ULK4: variants seen among roughly 807,000 people sequenced by gnomAD.
ULK4 encodes unc-51 like kinase 4.
Under a neutral mutation model 160.6 loss-of-function variants are expected in ULK4, and 133 were observed. The ratio of observed to expected loss-of-function variants is 0.83; its 90% CI spans 0.72 to 0.96. The LOEUF (loss-of-function observed/expected upper bound fraction) is 0.96. ULK4 is among the 40% of genes least tolerant of loss of function. The pLI, the probability that ULK4 is intolerant of heterozygous loss-of-function variation, is 0.00. For synonymous variants in ULK4, 534 were observed against 539.8 expected (o/e 0.99, Z 0.15); for missense variants, 1,580 against 1,499.5 (o/e 1.05, Z -0.89).
intron 35 of ULK4, among the ~76,000 whole-genome samples, chr3:41,373,822 C>A (rs893288724): frequency 6.6e-5 from 10 of 152,000 alleles, no homozygotes; most frequent in African/African-American, 1.9e-4. Flanking sequence ...CATGAAAAAC[C>A]CTTCAAAAAA....
chr3:41,872,624 T>A (rs1161100375), intron 17 of ULK4, among the ~76,000 whole-genome samples: 1 of 149,870 alleles, frequency 6.7e-6, no homozygotes, highest in Non-Finnish European at 1.5e-5. Context: ...TACCTACTTT[T>A]GTTTTTATAT....
In ULK4 at chr3:41,938,479, C is replaced by G. The variant is rs139567240; in HGVS notation, c.139-282G>C. Among the ~76,000 whole-genome samples, 77 of 152,242 alleles carry G rather than the reference C, an allele frequency of 5.1e-4. No individual in the cohort carries two copies. The East Asian group carries it at 0.014, about 29-fold the overall frequency. On this transcript the variant is annotated intron_variant, in intron 2 of 36. Coordinates refer to ENST00000301831, the MANE Select transcript of ULK4 (RefSeq NM_017886.4). Reference sequence around the variant, plus strand: ...GTTGGATCACTTGAGGTCAGGAGTACAAGAGCAGCCTGACCAACGCGGTGA... The same window carrying G: ...GTTGGATCACTTGAGGTCAGGAGTAGAAGAGCAGCCTGACCAACGCGGTGA...
intron 5 of ULK4, among the ~76,000 whole-genome samples, chr3:41,929,745 C>G (rs976470757): frequency 1.3e-5 from 2 of 152,014 alleles, no homozygotes; most frequent in African/African-American, 4.8e-5. Context: ...ACAACTGCTA[C>G]AAAGAGAATA....
chr3:41,920,205 T>A (rs938105744), intron 5 of ULK4, among the ~76,000 whole-genome samples: 3 of 152,178 alleles, frequency 2.0e-5, no homozygotes, highest in African/African-American at 7.2e-5. Context: ...ATCCTCATAG[T>A]CACTCAAAGA....
At chr3:41,890,054 A>C (rs1324644004) in intron 16 of ULK4, among the ~76,000 whole-genome samples, 1 of 152,264 alleles carries the variant, frequency 6.6e-6, no homozygotes, top group Non-Finnish European at 1.5e-5. Context: ...AAAATAGGCA[A>C]ATCAGCCAAC....
chr3:41,621,802 A>C (rs1455265439), intron 30 of ULK4, among the ~76,000 whole-genome samples: 1 of 152,226 alleles, frequency 6.6e-6, no homozygotes, highest in Non-Finnish European at 1.5e-5. Context: ...AAAGCAAAAG[A>C]AACTACCATC....
intron 21 of ULK4, among the ~76,000 whole-genome samples, chr3:41,768,615 C>T (rs997563578): frequency 6.6e-6 from 1 of 152,154 alleles, no homozygotes; most frequent in Non-Finnish European, 1.5e-5. Context: ...ACCAACTTGC[C>T]AGTCATATGA....
intron 32 of ULK4, among the ~76,000 whole-genome samples, chr3:41,546,849 T>C (rs2643970): frequency 0.51 from 76,882 of 150,698 alleles, 19,719 homozygotes; most frequent in Middle Eastern, 0.57. Context: ...GACCACAGCC[T>C]TATTCTGTCT....
At chr3:41,790,155 C>T (rs949605532) in intron 20 of ULK4, among the ~76,000 whole-genome samples, 21 of 152,256 alleles carry the variant, frequency 1.4e-4, no homozygotes, top group Non-Finnish European at 2.5e-4. Flanking sequence ...CACCTGCAGA[C>T]AATGAACTAA....
chr3:41,472,119 A>C (rs189937642), intron 32 of ULK4, among the ~76,000 whole-genome samples: 1 of 152,196 alleles, frequency 6.6e-6, no homozygotes, highest in African/African-American at 2.4e-5. Flanking sequence ...TGACTCAAAT[A>C]AATAAAATCA....
intron 20 of ULK4, among the ~76,000 whole-genome samples, chr3:41,798,852 G>C (rs2125602573): frequency 6.6e-6 from 1 of 152,218 alleles, no homozygotes; most frequent in Non-Finnish European, 1.5e-5. Flanking sequence ...ATAACCATTT[G>C]AATTAGGTTC....
intron 31 of ULK4, among the ~76,000 whole-genome samples, chr3:41,597,220 T>G (rs1438437549): frequency 6.6e-6 from 1 of 152,290 alleles, no homozygotes; most frequent in African/African-American, 2.4e-5. Flanking sequence ...GTGTCAACCA[T>G]AGACCATCCA....
At chr3:41,840,614 G>A (rs886818643) in intron 17 of ULK4, among the ~76,000 whole-genome samples, 3 of 152,344 alleles carry the variant, frequency 2.0e-5, no homozygotes, top group African/African-American at 7.2e-5. Flanking sequence ...GACCTCGAGT[G>A]GTCTGCCCAC....
intron 21 of ULK4, among the ~76,000 whole-genome samples, chr3:41,761,315 T>C (rs1479163435): frequency 7.9e-6 from 1 of 127,050 alleles, no homozygotes; most frequent in Non-Finnish European, 1.5e-5. Flanking sequence ...AAATACATTA[T>C]ATACTATGTT....
At chr3:41,465,420 T>C (rs1209193629) in intron 32 of ULK4, among the ~76,000 whole-genome samples, 2 of 152,198 alleles carry the variant, frequency 1.3e-5, no homozygotes, top group African/African-American at 2.4e-5. Context: ...TACAATACCA[T>C]TGCCACTTTT....
intron 18 of ULK4, among the ~76,000 whole-genome samples, chr3:41,831,451 T>C (rs2125647414): frequency 6.7e-6 from 1 of 148,494 alleles, no homozygotes; most frequent in African/African-American, 2.5e-5. Flanking sequence ...TATCATCACT[T>C]ACCAAAGTAT....
At chr3:41,580,121 GC>G (rs1470487667) in intron 31 of ULK4, among the ~76,000 whole-genome samples, 1 of 152,088 alleles carries the variant, frequency 6.6e-6, no homozygotes, top group Non-Finnish European at 1.5e-5. Flanking sequence ...GACTAGATGT[GC>G]CATCCCCTCA....
chr3:41,913,433 T>C (rs1181941661), intron 8 of ULK4, among the ~76,000 whole-genome samples: 1 of 152,042 alleles, frequency 6.6e-6, no homozygotes, highest in Non-Finnish European at 1.5e-5. Flanking sequence ...CACCGTGTTA[T>C]CCAGGGTGGT....
At chr3:41,877,386 C>A (rs139069419) in intron 17 of ULK4, among the ~76,000 whole-genome samples, 412 of 151,458 alleles carry the variant, frequency 2.7e-3, no homozygotes, top group African/African-American at 9.5e-3. Context: ...TAGGCTGGAG[C>A]GCAGTGGTCC....
Sources: gnomAD v4.1 joint callset for allele counts (sites outside exome capture counted in the v4.1 genomes callset) on GRCh38, gnomAD v4.1.1 for gene constraint, MANE v1.5 for transcripts, NCBI Gene and HGNC (gene_info 2026-07-23, HGNC 2026-07-21) for gene names.